The following SLIT1 variants were observed in gnomAD, a reference collection of about 807,000 sequenced individuals.
The protein encoded by SLIT1 is slit homolog 1 protein.
Under a neutral mutation model 186.1 loss-of-function variants are expected in SLIT1, and 66 were observed. The ratio of observed to expected loss-of-function variants is 0.35; its 90% CI spans 0.29 to 0.44. The LOEUF is 0.44. Ranked by LOEUF, SLIT1 falls within the 20% of genes least tolerant of loss-of-function variation. The pLI, the probability that SLIT1 is intolerant of heterozygous loss-of-function variation, is 1.00. For synonymous variants in SLIT1, 761 were observed against 833.8 expected (o/e 0.91, Z 1.50); for missense variants, 1,638 against 2,037.4 (o/e 0.80, Z 3.77).
chr10:97,124,751 G>A (rs1849589865), intron 4 of SLIT1, among the ~76,000 whole-genome samples: 1 of 152,188 alleles, frequency 6.6e-6, no homozygotes, highest in Non-Finnish European at 1.5e-5. Flanking sequence ...CTTGGACAGA[G>A]AAGCAGCATG....
intron 4 of SLIT1, among the ~76,000 whole-genome samples, chr10:97,144,637 C>G (rs1056068206): frequency 6.6e-6 from 1 of 152,130 alleles, no homozygotes; most frequent in Admixed American, 6.5e-5. Context: ...AAGTCAGAGA[C>G]AAGCAGGGAG....
rs748292809 is a variant in SLIT1 at position 97,043,448 on chromosome 10, C to T, written c.1919G>A (p.Arg640Gln). Residue 640 changes from arginine to glutamine, a missense_variant, in exon 19 of 37, where the codon CGG becomes CAG. Physicochemically the swap from Arg to Gln is conservative, Grantham distance 43. This residue lies in a region of SLIT1 where 1,245 missense variants were observed against 1,535.3 expected (regional missense o/e 0.81). Transcript: ENST00000266058. The surrounding 1 kb of genome is among the most constrained non-coding windows in gnomAD (Gnocchi z 7.0). ...CTGGTTGTCGTAGAGCGAGAGGAGC[C>T]GGACGTTGCGCAGGCCCGTGAAGCT... is the stretch of plus-strand genomic sequence containing the variant. ...NDSFTGLRNV[R>Q]LLSLYDNQIT... 3.1e-6 allele frequency: 5 copies of T among 1,613,788 alleles called. No individual in the cohort carries two copies. Among genetic ancestry groups the T allele is most frequent in the Admixed American group, 3.3e-5 (2 of 60,000 alleles).
chr10:97,081,160 C>G (rs1849101202), intron 4 of SLIT1, among the ~76,000 whole-genome samples: 1 of 152,160 alleles, frequency 6.6e-6, no homozygotes, highest in African/African-American at 2.4e-5. Context: ...CTGGGAAAGG[C>G]AGGATTTAAT....
At chr10:97,123,698 G>A (rs1287701958) in intron 4 of SLIT1, among the ~76,000 whole-genome samples, 1 of 151,818 alleles carries the variant, frequency 6.6e-6, no homozygotes, top group Non-Finnish European at 1.5e-5. Context: ...GCTGAGGCAG[G>A]AGAATCACTT....
intron 4 of SLIT1, among the ~76,000 whole-genome samples, chr10:97,069,935 G>C (rs1848986732): frequency 6.6e-6 from 1 of 152,134 alleles, no homozygotes; most frequent in East Asian, 1.9e-4. Context: ...AAAAGACACT[G>C]TAGCTCCCTC....
intron 25 of SLIT1, among the ~76,000 whole-genome samples, chr10:97,030,525 T>C (rs961413122): frequency 2.6e-5 from 4 of 152,344 alleles, no homozygotes; most frequent in African/African-American, 9.6e-5. Context: ...AATCGATCAA[T>C]GGTCATGACA....
At chr10:97,177,227 T>C (rs899119860) in intron 1 of SLIT1, among the ~76,000 whole-genome samples, 2 of 152,190 alleles carry the variant, frequency 1.3e-5, no homozygotes, top group African/African-American at 4.8e-5. Context: ...TTCCCCATCA[T>C]GACCTCTGGG....
chr10:97,109,653 C>T (rs1055284051), intron 4 of SLIT1, among the ~76,000 whole-genome samples: 1 of 152,190 alleles, frequency 6.6e-6, no homozygotes, highest in Non-Finnish European at 1.5e-5. Flanking sequence ...AAAGTAAATA[C>T]TGGAAGAGTG....
At chr10:97,066,864 G>T (rs771079828) in intron 4 of SLIT1, among the ~76,000 whole-genome samples, 8 of 152,212 alleles carry the variant, frequency 5.3e-5, no homozygotes, top group Non-Finnish European at 1.0e-4. Flanking sequence ...ATCGTGCAGG[G>T]CGCAAAGGGG....
At chr10:97,093,982 G>A (rs1849260130) in intron 4 of SLIT1, among the ~76,000 whole-genome samples, 1 of 152,248 alleles carries the variant, frequency 6.6e-6, no homozygotes, top group Non-Finnish European at 1.5e-5. Flanking sequence ...GCTGAAATGT[G>A]AGTGAGTGCT....
intron 1 of SLIT1, among the ~76,000 whole-genome samples, chr10:97,180,023 A>G (rs188511281): frequency 5.0e-4 from 76 of 152,284 alleles, no homozygotes; most frequent in African/African-American, 1.7e-3. Context: ...CCAGCCCCAA[A>G]AGAGCACGGC....
rs143958192 is a variant in SLIT1 at position 97,064,970 on chromosome 10, A to G, written c.486-94T>C. The G allele has an allele frequency of 1.5e-3, 1,313 of 898,646 alleles. 14 individuals carry two copies. The African/African-American group carries it at 0.02, about 14-fold the overall frequency. 55.7% of individuals were successfully genotyped at this position (898,646 alleles called of 1,614,324 possible). On this transcript the variant is annotated intron_variant, in intron 5 of 36. Coordinates refer to ENST00000266058, the MANE Select transcript of SLIT1 (RefSeq NM_003061.3). ...ACCGCGTGCTCCATTCATTCAAAAG[A>G]GGTGCACCCCTAGCCGTTTGTTATG...
intron 29 of SLIT1, 27 bp downstream of exon 29, chr10:97,013,992 C>A (rs1031571441): frequency 6.2e-7 from 1 of 1,610,234 alleles, no homozygotes; most frequent in African/African-American, 1.3e-5. Flanking sequence ...CCACCTCCCC[C>A]AGACACTGCT....
chr10:97,049,726 A>T (rs1468346064), intron 13 of SLIT1, among the ~76,000 whole-genome samples: 1 of 152,124 alleles, frequency 6.6e-6, no homozygotes, highest in African/African-American at 2.4e-5. Context: ...CACAGGAGTG[A>T]CCTCTCCTTG....
In SLIT1 at chr10:97,122,313, T is replaced by C. The variant is rs150970129; in HGVS notation, c.413+35505A>G. On this transcript the variant is annotated intron_variant, in intron 4 of 36. Coordinates refer to ENST00000266058, the MANE Select transcript of SLIT1 (RefSeq NM_003061.3). ...TCTTGCCTCATTCATTCAACAAACA[T>C]TTACTGAATATCTAATAGATAGCAA... Among the ~76,000 whole-genome samples the C allele has an allele frequency of 4.1e-3, 619 of 152,314 alleles. 3 individuals carry two copies. The highest frequency in any genetic ancestry group is 5.6e-3 in the Non-Finnish European group (381 of 68,026).
Position 97,004,959 on chromosome 10 carries a change from C to G in SLIT1, c.3580-136G>C. On this transcript the variant is annotated intron_variant, in intron 32 of 36. Transcript: ENST00000266058. The surrounding 1 kb of genome is among the most constrained non-coding windows in gnomAD (Gnocchi z 5.1). ...AGCGCTCTTCCCCCACCTGGCCAGC[C>G]TCCCCAAGGCCATTCCTCCAGGGGG... The G allele has an allele frequency of 2.0e-6, 2 of 1,008,608 alleles. No individual in the cohort carries two copies. Among genetic ancestry groups the G allele is most frequent in the Admixed American group, 4.3e-5 (2 of 46,150 alleles). The allele number at this position is 1,008,608 out of a possible 1,614,324, so 62.5% of individuals were successfully genotyped here.
At chr10:97,015,312 C>G (rs933596326) in intron 28 of SLIT1, among the ~76,000 whole-genome samples, 12 of 152,118 alleles carry the variant, frequency 7.9e-5, no homozygotes, top group Non-Finnish European at 1.5e-5. Context: ...TGAATAAATG[C>G]AATCTAAGTC....
At chr10:97,150,681 G>A (rs1400905755) in intron 4 of SLIT1, among the ~76,000 whole-genome samples, 1 of 150,950 alleles carries the variant, frequency 6.6e-6, no homozygotes, top group Non-Finnish European at 1.5e-5. Context: ...CAGAGGAACT[G>A]GGTTTCCAGA....
At chr10:97,057,715 T>C (rs1848854269) in intron 11 of SLIT1, 5 of 436,400 alleles carry the variant, frequency 1.1e-5, no homozygotes, top group Non-Finnish European at 2.1e-5. Context: ...AGACGGCATA[T>C]GCAGTGTGAG....
Sources: allele counts gnomAD v4.1 joint callset (sites outside exome capture counted in the v4.1 genomes callset), GRCh38; gene constraint gnomAD v4.1.1; regional missense constraint gnomAD v4.1.1; non-coding constraint Gnocchi (gnomAD v3.1); transcripts MANE v1.5; gene names NCBI Gene and HGNC (gene_info 2026-07-23, HGNC 2026-07-21).